The following MGST1 variants were observed in gnomAD, a reference collection of about 807,000 sequenced individuals.
MGST1 encodes the protein microsomal glutathione S-transferase 1.
MGST1 carries 5 observed loss-of-function variants against 8.9 expected under a neutral mutation model. That is an observed-to-expected ratio of 0.56 (90% CI 0.29 to 1.19). The LOEUF is 1.19. Among genes scored for constraint, MGST1 ranks in the 50% most tolerant of loss-of-function variants. The pLI, the probability that MGST1 is intolerant of heterozygous loss-of-function variation, is 0.08. For missense variants in MGST1, 182 were observed against 187.4 expected (o/e 0.97, Z 0.17); for synonymous variants, 54 against 67.8 (o/e 0.80, Z 1.00).
intron 4 of MGST1, among the ~76,000 whole-genome samples, chr12:16,486,892 GT>G (rs5796673): frequency 0.45 from 68,728 of 151,586 alleles, 17,153 homozygotes; most frequent in Non-Finnish European, 0.58. Context: ...TTATACTCCT[GT>G]AATTGCAGGA....
At chr12:16,357,517 C>T in intron 2 of MGST1, 88 bp from the exon 3 acceptor site, 5 of 963,238 alleles carry the variant, frequency 5.2e-6, no homozygotes, top group Non-Finnish European at 7.8e-6. Flanking sequence ...AATCCTGCCT[C>T]AGCCTCACAA....
At chr12:16,506,669 T>C (rs146712341) in intron 4 of MGST1, among the ~76,000 whole-genome samples, 2 of 152,298 alleles carry the variant, frequency 1.3e-5, no homozygotes, top group Non-Finnish European at 2.9e-5. Context: ...TTCATCTGCA[T>C]ATACCTATGT....
At chr12:16,526,364 C>G (rs1300779142) in intron 4 of MGST1, among the ~76,000 whole-genome samples, 1 of 151,934 alleles carries the variant, frequency 6.6e-6, no homozygotes, top group Non-Finnish European at 1.5e-5. Flanking sequence ...CAAAGCTCTC[C>G]TGACCCCATT....
rs1451739773 is a variant in MGST1 at position 16,513,443 on chromosome 12, C to T, written n.483-76085C>T. 1 of 405,836 alleles carries T rather than the reference C, an allele frequency of 2.5e-6. No homozygotes were observed. Among genetic ancestry groups the T allele is most frequent in the East Asian group, 6.7e-5 (1 of 15,026 alleles). The allele number at this position is 405,836 out of a possible 1,614,324, so 25.1% of individuals were successfully genotyped here. On this transcript the variant is annotated intron_variant and non_coding_transcript_variant, in intron 4 of 4. Transcript: ENST00000538857. The surrounding 1 kb of genome is among the most constrained non-coding windows in gnomAD (Gnocchi z 4.2). The stretch of plus-strand genomic sequence containing the variant: ...CGTCTCCGGGATCGCCGCCGCCTTC[C>T]ACCCGGGCTCGCCTCTGATGCCCCT...
intron 4 of MGST1, chr12:16,551,214 T>A (rs1288067083): frequency 6.5e-7 from 1 of 1,539,230 alleles, no homozygotes; most frequent in South Asian, 1.1e-5. Context: ...TGGGGTGATG[T>A]TGATAGATCA....
intron 1 of MGST1, among the ~76,000 whole-genome samples, chr12:16,422,856 A>G (rs1226892569): frequency 6.6e-6 from 1 of 152,026 alleles, no homozygotes; most frequent in Non-Finnish European, 1.5e-5. Flanking sequence ...TCCTCTAATT[A>G]TTTTGGGTGG....
intron 1 of MGST1, chr12:16,400,605 G>A (rs1022776278): frequency 3.4e-5 from 39 of 1,131,392 alleles, no homozygotes; most frequent in African/African-American, 1.1e-4. Context: ...TCTGTTCCCC[G>A]GTCATCGTAT....
chr12:16,482,465 T>C lies in MGST1; in HGVS notation n.482+98861T>C, dbSNP rs531248674. The stretch of plus-strand genomic sequence containing the variant: ...GGCCAAGAGGGTGAAACACCGTCTC[T>C]ACTAAAAATACAAAAATTAGCCAGG... On this transcript the variant is annotated intron_variant and non_coding_transcript_variant, in intron 4 of 4. Transcript: ENST00000538857. This position sits in a 1 kb window ranked among gnomAD's most constrained non-coding sequence, Gnocchi z 4.2. Among the ~76,000 whole-genome samples the C allele has an allele frequency of 1.7e-4, 26 of 152,224 alleles. No homozygotes were observed. Among genetic ancestry groups the C allele is most frequent in the Non-Finnish European group, 3.1e-4 (21 of 68,000 alleles).
At chr12:16,376,924 A>T (rs1940390232) in exon 4 of MGST1, 1 of 152,082 alleles carries the variant, frequency 6.6e-6, no homozygotes, top group Non-Finnish European at 1.5e-5. Context: ...TACGTGGATA[A>T]TTACTATACT....
chr12:16,466,409 G>T (rs1941255504), intron 4 of MGST1, among the ~76,000 whole-genome samples: 1 of 152,216 alleles, frequency 6.6e-6, no homozygotes, highest in Non-Finnish European at 1.5e-5. Context: ...GTATACAACT[G>T]AAGCTTGATA....
intron 1 of MGST1, among the ~76,000 whole-genome samples, chr12:16,393,845 G>A (rs1236973817): frequency 6.6e-6 from 1 of 152,170 alleles, no homozygotes; most frequent in Non-Finnish European, 1.5e-5. Context: ...AACCCAATCT[G>A]AATCAAATGG....
intron 4 of MGST1, among the ~76,000 whole-genome samples, chr12:16,553,877 A>AG (rs1942084001): frequency 6.6e-6 from 1 of 152,056 alleles, no homozygotes; most frequent in African/African-American, 2.4e-5. Flanking sequence ...GAAAAAAAAA[A>AG]AAAAGCATTA....
intron 4 of MGST1, among the ~76,000 whole-genome samples, chr12:16,452,739 A>G (rs1168244179): frequency 1.3e-5 from 2 of 151,882 alleles, no homozygotes; most frequent in East Asian, 3.9e-4. Flanking sequence ...AAACTAAAAA[A>G]TGTTTTAAAA....
rs1316825695 is a variant in MGST1, at chr12:16,517,535, T to A, written n.483-71993T>A. ...AAATAAAATATTATTGTTTGTAAAT[T>A]ACCCAGTCAGTGCTATTTTACTACA... On this transcript the variant is annotated intron_variant and non_coding_transcript_variant, in intron 4 of 4. Coordinates refer to the MGST1 transcript ENST00000538857. This position sits in a 1 kb window ranked among gnomAD's most constrained non-coding sequence, Gnocchi z 4.2. Among the ~76,000 whole-genome samples, 1 of 152,186 alleles carries A rather than the reference T, an allele frequency of 6.6e-6. No homozygotes were observed. Among genetic ancestry groups the A allele is most frequent in the East Asian group, 1.9e-4 (1 of 5,196 alleles).
At chr12:16,360,436 A>C in intron 3 of MGST1, 5 of 883,810 alleles carry the variant, frequency 5.7e-6, no homozygotes, top group Non-Finnish European at 6.8e-6. Context: ...ATTAACTAAA[A>C]ACTTAAGGTA....
chr12:16,382,210 C>A (rs936191872), upstream of MGST1, among the ~76,000 whole-genome samples: 9 of 152,138 alleles, frequency 5.9e-5, no homozygotes, highest in African/African-American at 2.2e-4. Context: ...GGAGGAGAGG[C>A]GCTCTGATTT....
At chr12:16,359,214 G>T (rs1290910858) in intron 3 of MGST1, among the ~76,000 whole-genome samples, 1 of 152,104 alleles carries the variant, frequency 6.6e-6, no homozygotes, top group Non-Finnish European at 1.5e-5. Flanking sequence ...TGCAGAATAT[G>T]CCCCGTACCT....
chr12:16,488,582 T>C (rs574727646), intron 4 of MGST1, among the ~76,000 whole-genome samples: 2 of 152,318 alleles, frequency 1.3e-5, no homozygotes, highest in African/African-American at 4.8e-5. Context: ...CTGCCAGGTT[T>C]CTTTTTCATA....
intron 1 of MGST1, among the ~76,000 whole-genome samples, chr12:16,411,546 T>A (rs1467660988): frequency 6.6e-6 from 1 of 152,132 alleles, no homozygotes; most frequent in Non-Finnish European, 1.5e-5. Flanking sequence ...TATACGATGA[T>A]TTTGGATGAC....
Sources: gnomAD v4.1 joint callset for allele counts (sites outside exome capture counted in the v4.1 genomes callset) on GRCh38, gnomAD v4.1.1 for gene constraint, Gnocchi (gnomAD v3.1) non-coding constraint, MANE v1.5 for transcripts, NCBI Gene and HGNC (gene_info 2026-07-23, HGNC 2026-07-21) for gene names.